Variants in MYO5B observed in about 807,000 individuals in gnomAD.
The protein encoded by MYO5B is unconventional myosin-Vb.
Under a neutral mutation model 229.3 loss-of-function variants are expected in MYO5B, and 143 were observed. The ratio of observed to expected loss-of-function variants is 0.62; its 90% confidence interval spans 0.54 to 0.72. The LOEUF is 0.72. Among genes scored for constraint, MYO5B ranks in the 30% least tolerant of loss-of-function variants. MYO5B has a pLI of 0.00. For missense variants in MYO5B, 2,321 were observed against 2,331.0 expected, an observed-to-expected ratio of 1.00 and a Z score of 0.09; for synonymous variants, 918 against 885.2, an observed-to-expected ratio of 1.04 and a Z score of -0.66.
chr18:50,114,987 T>C (rs1345839921), intron 1 of MYO5B, among the ~76,000 whole-genome samples: 2 of 152,128 alleles, frequency 1.3e-5, no homozygotes, highest in South Asian at 2.1e-4. Flanking sequence ...ATTTTGAAAA[T>C]CCAGACATAG....
chr18:49,865,964 C>T (rs529758515), intron 27 of MYO5B, among the ~76,000 whole-genome samples: 3 of 152,234 alleles, frequency 2.0e-5, no homozygotes, highest in South Asian at 2.1e-4. Context: ...TCTCCTCCCC[C>T]ACAGGTTCAC....
intron 15 of MYO5B, 103 bp downstream of exon 15, chr18:49,937,142 G>A: frequency 7.1e-7 from 1 of 1,412,666 alleles, no homozygotes; most frequent in African/African-American, 1.4e-5. Flanking sequence ...TGATGTCAAG[G>A]CTGCTGTGAT....
chr18:50,129,105 G>C (rs1376498819), intron 1 of MYO5B, among the ~76,000 whole-genome samples: 9 of 152,214 alleles, frequency 5.9e-5, no homozygotes, highest in Non-Finnish European at 1.2e-4. Context: ...TGTGAAAGGA[G>C]CCCAGGCCAG....
intron 18 of MYO5B, among the ~76,000 whole-genome samples, chr18:49,911,537 G>A (rs1038626483): frequency 5.9e-5 from 9 of 152,162 alleles, no homozygotes; most frequent in South Asian, 2.1e-4. Context: ...GATGTACCAC[G>A]GTTGTGTAAG....
At chr18:50,007,480 G>A (rs375800389) in intron 4 of MYO5B, among the ~76,000 whole-genome samples, 7 of 152,156 alleles carry the variant, frequency 4.6e-5, no homozygotes, top group South Asian at 2.1e-4. Context: ...AATGAACATC[G>A]GACCATTCTT....
At chr18:49,854,346 G>T (rs566255332) in intron 30 of MYO5B, among the ~76,000 whole-genome samples, 1 of 152,124 alleles carries the variant, frequency 6.6e-6, no homozygotes, top group Non-Finnish European at 1.5e-5. Context: ...AGATTGAGGA[G>T]AAGTCTTATA....
intron 32 of MYO5B, among the ~76,000 whole-genome samples, chr18:49,848,702 T>C (rs1412365029): frequency 1.3e-5 from 2 of 151,724 alleles, no homozygotes; most frequent in Non-Finnish European, 2.9e-5. Flanking sequence ...GAGGGAGTGA[T>C]AGGTCTTTAG....
intron 9 of MYO5B, among the ~76,000 whole-genome samples, chr18:49,979,909 C>T (rs1158000912): frequency 6.6e-6 from 1 of 152,216 alleles, no homozygotes; most frequent in Non-Finnish European, 1.5e-5. Context: ...CTACATTGGG[C>T]ATCAGGAAAA....
chr18:50,050,517 C>T (rs2030362995), intron 2 of MYO5B, among the ~76,000 whole-genome samples: 3 of 152,194 alleles, frequency 2.0e-5, no homozygotes, highest in Admixed American at 2.0e-4. Flanking sequence ...CCTTCCCTGA[C>T]ACTGTGTTGC....
intron 4 of MYO5B, among the ~76,000 whole-genome samples, chr18:50,016,517 C>T (rs951437782): frequency 6.6e-6 from 1 of 152,146 alleles, no homozygotes; most frequent in African/African-American, 2.4e-5. Flanking sequence ...TCACACCTAC[C>T]TCTGCCCTTG....
intron 12 of MYO5B, among the ~76,000 whole-genome samples, chr18:49,958,986 G>A (rs948417978): frequency 6.6e-6 from 1 of 152,164 alleles, no homozygotes; most frequent in Non-Finnish European, 1.5e-5. Context: ...GAGCTTCAGG[G>A]TGAAGCCCAA....
chr18:50,149,440 C>T (rs1378298321), intron 1 of MYO5B, among the ~76,000 whole-genome samples: 1 of 151,618 alleles, frequency 6.6e-6, no homozygotes, highest in East Asian at 1.9e-4. Flanking sequence ...AACTATACTA[C>T]AAGGCTACAG....
intron 4 of MYO5B, among the ~76,000 whole-genome samples, chr18:50,002,834 C>A (rs1328944348): frequency 6.6e-6 from 1 of 152,150 alleles, no homozygotes; most frequent in Non-Finnish European, 1.5e-5. Flanking sequence ...CTTGGGTCCC[C>A]TGTCACCAGC....
At chr18:49,935,184 C>A (rs1172980836) in intron 16 of MYO5B, among the ~76,000 whole-genome samples, 2 of 152,148 alleles carry the variant, frequency 1.3e-5, no homozygotes, top group Non-Finnish European at 2.9e-5. Context: ...ACTTTGACGT[C>A]AGTTAGACAC....
chr18:49,862,894 C>T (rs2024347854), intron 29 of MYO5B, among the ~76,000 whole-genome samples: 1 of 122,000 alleles, frequency 8.2e-6, no homozygotes, highest in South Asian at 3.2e-4. Flanking sequence ...AGTTAGCCAC[C>T]CCCCACCCCC....
chr18:50,055,225 G>GCCCCCCCCCCCCCCCCCCCCCCCCCCC, intron 2 of MYO5B, 43 bp downstream of exon 2: 2 of 700,364 alleles, frequency 2.9e-6, no homozygotes, highest in Non-Finnish European at 5.3e-6. Context: ...TGAGCTCCCT[G>GCCCCCCCCCCCCCCCCCCCCCCCCCCC]CCCCACCTCA....
intron 1 of MYO5B, among the ~76,000 whole-genome samples, chr18:50,191,643 G>A (rs66464140): frequency 0.043 from 6,474 of 151,748 alleles, 150 homozygotes; most frequent in South Asian, 0.061. Context: ...CTAGGGCTCC[G>A]AAGATTAAGG....
intron 17 of MYO5B, among the ~76,000 whole-genome samples, chr18:49,913,652 T>A (rs766259664): frequency 2.0e-5 from 3 of 152,084 alleles, no homozygotes; most frequent in Non-Finnish European, 4.4e-5. Flanking sequence ...AGAGGACAGT[T>A]CCCTGGCAAA....
At chr18:50,091,975 G>A (rs2031457490) in intron 1 of MYO5B, among the ~76,000 whole-genome samples, 1 of 152,202 alleles carries the variant, frequency 6.6e-6, no homozygotes, top group African/African-American at 2.4e-5. Flanking sequence ...CAGCCCCATT[G>A]TGAGCTTTCA....
Sources: allele counts gnomAD v4.1 joint callset (sites outside exome capture counted in the v4.1 genomes callset), GRCh38; gene constraint gnomAD v4.1.1; transcripts MANE v1.5; gene names NCBI Gene and HGNC (gene_info 2026-07-23, HGNC 2026-07-21).